TP63: variants seen among roughly 807,000 people sequenced by gnomAD.
TP63 encodes the protein tumor protein p63, also known as tumor protein 63.
TP63 carries 17 observed loss-of-function variants against 82.8 expected under a neutral mutation model. The ratio of observed to expected loss-of-function variants is 0.21; its 90% CI spans 0.14 to 0.31. The LOEUF (loss-of-function observed/expected upper bound fraction) is 0.31. Ranked by LOEUF, TP63 falls within the 10% of genes least tolerant of loss-of-function variation. TP63 has a pLI of 1.00. For synonymous variants in TP63, 330 were observed against 321.7 expected (o/e 1.03, Z -0.28); for missense variants, 648 against 895.3 (o/e 0.72, Z 3.52).
chr3:189,806,976 T>C (rs545912998), intron 3 of TP63, among the ~76,000 whole-genome samples: 45 of 152,318 alleles, frequency 3.0e-4, no homozygotes, highest in Middle Eastern at 3.4e-3. Context: ...TTCTCTATAG[T>C]TTTACTTAAT....
In TP63 at chr3:189,897,213, A is replaced by C. The variant is rs1183491253; in HGVS notation, c.*2711A>C. 4.7e-6 allele frequency: 1 copy of C among 211,388 alleles called. No individual in the cohort carries two copies. Among genetic ancestry groups the C allele is most frequent in the Non-Finnish European group, 9.6e-6 (1 of 104,028 alleles). The allele number at this position is 211,388 out of a possible 1,614,324, so 13.1% of individuals were successfully genotyped here. A position where few individuals can be genotyped will look rare whatever the true frequency, so the allele number is the denominator to read the frequency against. ...TTGGGGAGCCAGAAGCCAATCTACA[A>C]TCTCTTTTTGTTTGCCAGGACATGC... On this transcript the variant is annotated 3_prime_UTR_variant, in exon 14 of 14. Transcript: ENST00000264731.
chr3:189,890,706 G>T, intron 12 of TP63, 83 bp from the exon 13 acceptor site: 1 of 1,294,698 alleles, frequency 7.7e-7, no homozygotes, highest in South Asian at 1.2e-5. Flanking sequence ...AAAATATATT[G>T]GGTTTTCCCT....
the TP63 span, among the ~76,000 whole-genome samples, chr3:189,606,338 G>A: frequency 6.6e-6 from 1 of 152,054 alleles, no homozygotes; most frequent in South Asian, 2.1e-4. Context: ...AAAATCAACA[G>A]TTCATGGCTG....
In TP63 at chr3:189,649,291, C is replaced by T. The variant is rs1295034298; in HGVS notation, c.62+17714C>T. Among the ~76,000 whole-genome samples, 3 of 146,456 alleles carry T rather than the reference C, an allele frequency of 2.0e-5. 1 individual carries two copies. The highest frequency in any genetic ancestry group is 2.6e-5 in the African/African-American group (1 of 39,078). On this transcript the variant is annotated intron_variant, in intron 1 of 13. Coordinates refer to ENST00000264731, the MANE Select transcript of TP63 (RefSeq NM_003722.5). ...CTGGACACCATGGAACACTATGCAGCGTGAAAAAGAATGAGATCATGTCGT... is the reference window on the plus strand; with the variant it reads ...CTGGACACCATGGAACACTATGCAGTGTGAAAAAGAATGAGATCATGTCGT...
At chr3:189,812,844 A>G (rs564690732) in intron 4 of TP63, among the ~76,000 whole-genome samples, 5 of 152,302 alleles carry the variant, frequency 3.3e-5, no homozygotes, top group Middle Eastern at 3.4e-3. Context: ...AAAGGTACTC[A>G]TTTGAGAGAA....
At chr3:189,757,185 G>C (rs1204776199) in intron 3 of TP63, among the ~76,000 whole-genome samples, 1 of 152,210 alleles carries the variant, frequency 6.6e-6, no homozygotes, top group African/African-American at 2.4e-5. Flanking sequence ...AAGTTCATCA[G>C]TGGTGACTTC....
chr3:189,682,551 AAAATATATATATATATATAT>A lies in TP63; in HGVS notation c.62+50976_62+50995del, dbSNP rs1410356159. Among the ~76,000 whole-genome samples, 50 of 30,858 alleles carry A rather than the reference AAAATATATATATATATATAT, an allele frequency of 1.6e-3. 3 individuals are homozygous for A. The East Asian group carries it at 0.039, about 24-fold the overall frequency. The allele number at this position is 30,858 out of a possible 152,430, so 20.2% of individuals were successfully genotyped here. A position where few individuals can be genotyped will look rare whatever the true frequency, so the allele number is the denominator to read the frequency against. ...GTCCTAAGGGGAAAAAAAAAAAAAAAAAATATATATATATATATATATATATATATATATATATATATATC... is the reference window on the plus strand; with the variant it reads ...GTCCTAAGGGGAAAAAAAAAAAAAAAATATATATATATATATATATATATC... On this transcript the variant is annotated intron_variant, in intron 1 of 13. Transcript: ENST00000264731.
intron 3 of TP63, among the ~76,000 whole-genome samples, chr3:189,766,221 A>C (rs75404487): frequency 0.011 from 1,706 of 152,304 alleles, 31 homozygotes; most frequent in African/African-American, 0.038. Context: ...TAGTGAAAGC[A>C]TATATAAACA....
intron 1 of TP63, among the ~76,000 whole-genome samples, chr3:189,728,172 T>TAA (rs112123067): frequency 3.9e-4 from 55 of 142,846 alleles, no homozygotes; most frequent in Admixed American, 1.7e-3. Flanking sequence ...GTTTCGTTTA[T>TAA]AAAAAAAAAA....
At chr3:189,667,806 A>G (rs1297430050) in intron 1 of TP63, among the ~76,000 whole-genome samples, 1 of 152,128 alleles carries the variant, frequency 6.6e-6, no homozygotes, top group Non-Finnish European at 1.5e-5. Context: ...AAGAGACAGC[A>G]AATGTTTTCT....
Position 189,894,487 on chromosome 3 carries a change from A to G in TP63, c.2028A>G (p.Lys676=). ...GCCGCAATAAGCAACAGCGCATCAA[A>G]GAGGAGGGGGAGTGAGCCTCACCAT... is the stretch of plus-strand genomic sequence containing the variant. The part of the protein sequence containing the change: ...DARRNKQQRI[K]EEGE The change falls in exon 14 of 14, where the codon AAA becomes AAG. Residue 676 remains lysine, a synonymous_variant. Coordinates refer to ENST00000264731, the MANE Select transcript of TP63 (RefSeq NM_003722.5). 6.2e-7 allele frequency: 1 copy of G among 1,613,570 alleles called. No individual in the cohort carries two copies. The highest frequency in any genetic ancestry group is 8.5e-7 in the Non-Finnish European group (1 of 1,179,976).
the TP63 span, among the ~76,000 whole-genome samples, chr3:189,609,500 A>G: frequency 1.3e-5 from 2 of 151,988 alleles, no homozygotes; most frequent in African/African-American, 4.8e-5. Context: ...CCCAGTACCC[A>G]ATAGTTATCT....
chr3:189,603,530 A>G, the TP63 span, among the ~76,000 whole-genome samples: 6 of 151,790 alleles, frequency 4.0e-5, no homozygotes, highest in Non-Finnish European at 5.9e-5. Context: ...AGGAGTTGAG[A>G]GAACAGTGGC....
intron 3 of TP63, among the ~76,000 whole-genome samples, chr3:189,749,746 A>G (rs1378580937): frequency 1.3e-5 from 2 of 152,200 alleles, no homozygotes; most frequent in African/African-American, 2.4e-5. Context: ...GTTTATTGCA[A>G]TATTATTCAC....
the TP63 span, among the ~76,000 whole-genome samples, chr3:189,606,772 A>G: frequency 6.6e-6 from 1 of 151,938 alleles, no homozygotes; most frequent in Non-Finnish European, 1.5e-5. Context: ...CGGCCTCCCA[A>G]AGTGCTAGGA....
At chr3:189,725,054 T>C (rs11925908) in intron 1 of TP63, among the ~76,000 whole-genome samples, 86,885 of 152,000 alleles carry the variant, frequency 0.57, 25,029 homozygotes, top group Middle Eastern at 0.64. Context: ...ATGATTTGTA[T>C]CAGACTTTAC....
intron 1 of TP63, among the ~76,000 whole-genome samples, chr3:189,632,317 A>G (rs1214483466): frequency 2.0e-5 from 3 of 152,142 alleles, no homozygotes; most frequent in Admixed American, 2.0e-4. Context: ...TTATTTTATA[A>G]GACTAATGAG....
At chr3:189,719,442 C>T (rs1033711521) in intron 1 of TP63, among the ~76,000 whole-genome samples, 1 of 152,070 alleles carries the variant, frequency 6.6e-6, no homozygotes, top group Admixed American at 6.6e-5. Flanking sequence ...TCTGTTTATT[C>T]CTCCAGATTT....
intron 3 of TP63, among the ~76,000 whole-genome samples, chr3:189,748,924 C>T (rs1721589440): frequency 6.6e-6 from 1 of 151,970 alleles, no homozygotes; most frequent in Admixed American, 6.6e-5. Context: ...AAATAACATA[C>T]ATTGGGGAAA....
Sources: allele counts gnomAD v4.1 joint callset (sites outside exome capture counted in the v4.1 genomes callset), GRCh38; gene constraint gnomAD v4.1.1; transcripts MANE v1.5; gene names NCBI Gene and HGNC (gene_info 2026-07-23, HGNC 2026-07-21).